Variants in DHRSX observed in about 807,000 individuals in gnomAD.
DHRSX encodes dehydrogenase/reductase X-linked.
DHRSX carries 31 observed loss-of-function variants against 34.0 expected under a neutral mutation model. That is an observed-to-expected ratio of 0.91 (90% CI 0.69 to 1.23). The LOEUF (loss-of-function observed/expected upper bound fraction) is 1.23, where lower values mean the gene tolerates loss of function less well. Ranked by LOEUF, DHRSX falls within the 50% of genes most tolerant of loss-of-function variation. The pLI, the probability that DHRSX is intolerant of heterozygous loss-of-function variation, is 0.00. For synonymous variants in DHRSX, 201 were observed against 183.8 expected (o/e 1.09, Z -0.76); for missense variants, 414 against 428.1 (o/e 0.97, Z 0.29).
chrX:2,382,576 CCATCACCAT>C (rs2043216262), intron 3 of DHRSX, among the ~76,000 whole-genome samples: 1 of 58,662 alleles, frequency 1.7e-5, no homozygotes, highest in African/African-American at 6.6e-5. Context: ...ATCATCATCA[CCATCACCAT>C]CATCATCACC....
intron 3 of DHRSX, among the ~76,000 whole-genome samples, chrX:2,295,862 G>A (rs1197165866): frequency 6.6e-6 from 1 of 152,078 alleles, no homozygotes; most frequent in African/African-American, 2.4e-5. Context: ...CACAAAGCTG[G>A]GGCGCATACG....
chrX:2,287,918 G>A (rs145116165), intron 4 of DHRSX, among the ~76,000 whole-genome samples: 1 of 152,130 alleles, frequency 6.6e-6, no homozygotes, highest in Non-Finnish European at 1.5e-5. Context: ...ATTTGGAAGA[G>A]TAATAACTCA....
chrX:2,498,207 TAAG>T (rs1488459119), intron 1 of DHRSX, among the ~76,000 whole-genome samples: 2 of 152,190 alleles, frequency 1.3e-5, no homozygotes, highest in African/African-American at 4.8e-5. Flanking sequence ...GTACGATACC[TAAG>T]AAGAACACGC....
chrX:2,477,671 A>C (rs1474400215), intron 1 of DHRSX, among the ~76,000 whole-genome samples: 4 of 152,024 alleles, frequency 2.6e-5, no homozygotes, highest in African/African-American at 9.7e-5. Flanking sequence ...CATGAAGAAC[A>C]CCCATCTCTA....
chrX:2,318,660 AG>A (rs1200873964), intron 3 of DHRSX, among the ~76,000 whole-genome samples: 1 of 150,512 alleles, frequency 6.6e-6, no homozygotes, highest in African/African-American at 2.5e-5. Context: ...AGGAACCCTC[AG>A]TTCCCAGAAC....
chrX:2,475,296 C>T (rs1261470817), intron 1 of DHRSX, among the ~76,000 whole-genome samples: 1 of 151,370 alleles, frequency 6.6e-6, no homozygotes, highest in African/African-American at 2.4e-5. Context: ...AAGCATGTGG[C>T]TAAGGGACTG....
intron 1 of DHRSX, among the ~76,000 whole-genome samples, chrX:2,477,111 G>A (rs1047362633): frequency 2.0e-5 from 3 of 152,108 alleles, no homozygotes; most frequent in Admixed American, 1.3e-4. Context: ...TAGGAAATCA[G>A]GGACTTCACG....
intron 1 of DHRSX, among the ~76,000 whole-genome samples, chrX:2,452,267 A>C (rs1308592791): frequency 2.0e-5 from 3 of 151,984 alleles, no homozygotes; most frequent in East Asian, 1.9e-4. Flanking sequence ...TTCCCTAAGC[A>C]GGTGGCTAAG....
intron 3 of DHRSX, among the ~76,000 whole-genome samples, chrX:2,323,345 C>A (rs1456574352): frequency 1.3e-5 from 2 of 152,110 alleles, no homozygotes; most frequent in Non-Finnish European, 2.9e-5. Flanking sequence ...TACAGAAACA[C>A]GTGAGGGAAG....
At chrX:2,307,535 G>A (rs1832809330) in intron 3 of DHRSX, among the ~76,000 whole-genome samples, 2 of 151,994 alleles carry the variant, frequency 1.3e-5, no homozygotes, top group South Asian at 2.1e-4. Flanking sequence ...AGGCCGAGGC[G>A]GGTGGATCAC....
chrX:2,287,675 G>A (rs1276571638), intron 4 of DHRSX, among the ~76,000 whole-genome samples: 3 of 150,694 alleles, frequency 2.0e-5, no homozygotes, highest in Non-Finnish European at 4.4e-5. Flanking sequence ...TGTGGAAGCC[G>A]AACAATGGCC....
chrX:2,349,863 C>T (rs1292045693), intron 3 of DHRSX, among the ~76,000 whole-genome samples: 1 of 146,310 alleles, frequency 6.8e-6, no homozygotes. Context: ...AGGGTGAAAC[C>T]CCGTTTCCAC....
chrX:2,466,660 C>T (rs923187692), intron 1 of DHRSX, among the ~76,000 whole-genome samples: 8 of 151,858 alleles, frequency 5.3e-5, no homozygotes, highest in African/African-American at 1.5e-4. Context: ...ATGAGAGGAT[C>T]GAAAAACTAC....
chrX:2,317,215 C>T (rs184379720), intron 3 of DHRSX, among the ~76,000 whole-genome samples: 1 of 148,264 alleles, frequency 6.7e-6, no homozygotes, highest in East Asian at 2.0e-4. Context: ...GCCTCGGCTT[C>T]CCAAAGTGCT....
At chrX:2,333,741 C>T (rs948332756) in intron 3 of DHRSX, among the ~76,000 whole-genome samples, 3 of 152,042 alleles carry the variant, frequency 2.0e-5, no homozygotes, top group Admixed American at 1.3e-4. Context: ...CCTCCCTCTC[C>T]TCCCACCCTT....
chrX:2,297,313 G>A (rs1045287103), intron 3 of DHRSX, among the ~76,000 whole-genome samples: 3 of 152,098 alleles, frequency 2.0e-5, no homozygotes, highest in Admixed American at 6.5e-5. Context: ...TGTAGAGATC[G>A]GATTTTGCAA....
At chrX:2,372,948 TCTA>T (rs2043093661) in intron 3 of DHRSX, among the ~76,000 whole-genome samples, 1 of 152,066 alleles carries the variant, frequency 6.6e-6, no homozygotes, top group South Asian at 2.1e-4. Context: ...AAACCGCGGC[TCTA>T]CTTTGCATCT....
chrX:2,251,845 C>T (rs1460140213), intron 5 of DHRSX, among the ~76,000 whole-genome samples: 1 of 151,890 alleles, frequency 6.6e-6, no homozygotes, highest in Non-Finnish European at 1.5e-5. Flanking sequence ...GGTCCTTAGC[C>T]ATGGAGACTT....
intron 1 of DHRSX, among the ~76,000 whole-genome samples, chrX:2,463,298 A>G (rs1042037020): frequency 3.3e-5 from 5 of 152,192 alleles, no homozygotes; most frequent in African/African-American, 1.2e-4. Flanking sequence ...CCTGGGCGAC[A>G]CAGCAAGACT....
Sources: gnomAD v4.1 joint callset for allele counts (sites outside exome capture counted in the v4.1 genomes callset) on GRCh38, gnomAD v4.1.1 for gene constraint, MANE v1.5 for transcripts, NCBI Gene and HGNC (gene_info 2026-07-23, HGNC 2026-07-21) for gene names.